APBB2: variants seen among roughly 807,000 people sequenced by gnomAD.
APBB2 encodes amyloid beta precursor protein binding family B member 2.
In APBB2, 38 loss-of-function variants were observed where a neutral mutation model predicts 82.5. The observed-to-expected ratio is 0.46, with a 90% CI of 0.36 to 0.60. APBB2 has a LOEUF of 0.60. Among genes scored for constraint, APBB2 ranks in the 20% least tolerant of loss-of-function variants. APBB2 has a pLI of 0.00. For synonymous variants in APBB2, 341 were observed against 368.2 expected, an observed-to-expected ratio of 0.93 and a Z score of 0.85; for missense variants, 772 against 972.3, an observed-to-expected ratio of 0.79 and a Z score of 2.74.
At chr4:41,088,508 T>C (rs1740618019) in intron 3 of APBB2, among the ~76,000 whole-genome samples, 1 of 152,200 alleles carries the variant, frequency 6.6e-6, no homozygotes, top group South Asian at 2.1e-4. Context: ...CCATTTTCAA[T>C]TATCCTGGGA....
chr4:41,157,337 T>C (rs1256629383), intron 1 of APBB2, among the ~76,000 whole-genome samples: 1 of 152,158 alleles, frequency 6.6e-6, no homozygotes, highest in African/African-American at 2.4e-5. Context: ...GAAAGCCCCC[T>C]TCAAATGACC....
chr4:41,146,861 CGCA>C (rs1366341319), intron 1 of APBB2, among the ~76,000 whole-genome samples: 1 of 152,202 alleles, frequency 6.6e-6, no homozygotes, highest in Non-Finnish European at 1.5e-5. Context: ...TGTGAGGCTG[CGCA>C]TAAAGCCGCG....
chr4:40,817,454 G>T (rs541126028), intron 17 of APBB2, among the ~76,000 whole-genome samples: 1 of 152,166 alleles, frequency 6.6e-6, no homozygotes, highest in East Asian at 1.9e-4. Flanking sequence ...GAACAACAGA[G>T]TTTGAACTGT....
chr4:41,116,613 A>G (rs372946850), intron 2 of APBB2, among the ~76,000 whole-genome samples: 1 of 152,180 alleles, frequency 6.6e-6, no homozygotes, highest in Non-Finnish European at 1.5e-5. Flanking sequence ...CATGGGCGAC[A>G]AGAGCGAAAC....
At chr4:40,978,297 T>C (rs1420360678) in intron 6 of APBB2, among the ~76,000 whole-genome samples, 3 of 152,216 alleles carry the variant, frequency 2.0e-5, no homozygotes, top group African/African-American at 4.8e-5. Context: ...CATGCTGAGA[T>C]ATAACTTAAA....
chr4:41,046,571 A>G (rs1560605946), intron 4 of APBB2, among the ~76,000 whole-genome samples: 1 of 151,666 alleles, frequency 6.6e-6, no homozygotes, highest in Non-Finnish European at 1.5e-5. Context: ...ACTGCCTCAT[A>G]AAGCAGATGG....
chr4:41,117,301 T>A (rs61317151), intron 2 of APBB2, among the ~76,000 whole-genome samples: 10,770 of 147,826 alleles, frequency 0.073, 496 homozygotes, highest in East Asian at 0.11. Flanking sequence ...TATTATTTTT[T>A]TTTTTTTTTG....
intron 1 of APBB2, among the ~76,000 whole-genome samples, chr4:41,195,890 G>T: frequency 1.3e-5 from 2 of 152,178 alleles, no homozygotes; most frequent in Admixed American, 1.3e-4. Context: ...GCCAGGCTCA[G>T]TGGCTCATGC....
intron 2 of APBB2, among the ~76,000 whole-genome samples, chr4:41,135,445 A>G (rs1757302685): frequency 6.6e-6 from 1 of 152,238 alleles, no homozygotes; most frequent in Non-Finnish European, 1.5e-5. Context: ...AATGAAGCCA[A>G]GGATCAATGA....
At position 40,812,710 on chromosome 4, in the gene APBB2, T is replaced by A. The variant is rs1744656128; in HGVS notation, c.*3382A>T. ...GGGGCTTCCAGGCAATGGCCTTGTG[T>A]CGAGTCATCTTACAAGTGTCCATCT... On this transcript the variant is annotated 3_prime_UTR_variant, in exon 18 of 18. Transcript: ENST00000508593. 6.6e-6 allele frequency: 1 copy of A among 152,222 alleles called. No homozygotes were observed. The highest frequency in any genetic ancestry group is 1.5e-5 in the Non-Finnish European group (1 of 68,044). 9.4% of individuals were successfully genotyped at this position (152,222 alleles called of 1,614,324 possible).
At chr4:40,839,920 C>A (rs562921021) in intron 12 of APBB2, among the ~76,000 whole-genome samples, 1 of 152,202 alleles carries the variant, frequency 6.6e-6, no homozygotes, top group Non-Finnish European at 1.5e-5. Flanking sequence ...CCACCTCGGA[C>A]TCCCAAAGTG....
intron 11 of APBB2, chr4:40,890,714 T>C (rs1281675278): frequency 4.2e-6 from 2 of 479,574 alleles, no homozygotes; most frequent in Admixed American, 4.0e-5. Flanking sequence ...CTCTGAAATG[T>C]GTCCCCATCC....
intron 1 of APBB2, among the ~76,000 whole-genome samples, chr4:41,169,183 C>CAAAAAAA (rs60032221): frequency 3.3e-5 from 2 of 60,726 alleles, no homozygotes; most frequent in Admixed American, 2.1e-4. Context: ...CACTCCGTCT[C>CAAAAAAA]AAAAAAAAAA....
intron 12 of APBB2, among the ~76,000 whole-genome samples, chr4:40,833,119 C>A (rs1752620318): frequency 6.6e-6 from 1 of 152,220 alleles, no homozygotes; most frequent in Non-Finnish European, 1.5e-5. Context: ...TGCCTTGCTT[C>A]TGGTTCTCCT....
intron 12 of APBB2, among the ~76,000 whole-genome samples, chr4:40,836,581 T>C (rs1432888148): frequency 4.0e-5 from 6 of 151,708 alleles, no homozygotes; most frequent in African/African-American, 1.2e-4. Flanking sequence ...GGAGGTCCAA[T>C]GAGAAGGTGG....
At chr4:40,879,807 T>G (rs1322055934) in intron 12 of APBB2, among the ~76,000 whole-genome samples, 1 of 152,040 alleles carries the variant, frequency 6.6e-6, no homozygotes, top group East Asian at 1.9e-4. Flanking sequence ...TTCTCCTGCC[T>G]AAGCCTCCCG....
At chr4:40,829,078 C>T (rs1001207188) in intron 13 of APBB2, among the ~76,000 whole-genome samples, 2 of 152,142 alleles carry the variant, frequency 1.3e-5, no homozygotes, top group Non-Finnish European at 2.9e-5. Flanking sequence ...AGAAATTAAC[C>T]AAGTCTGGGG....
chr4:41,058,073 T>C (rs1728461315), intron 4 of APBB2, among the ~76,000 whole-genome samples: 1 of 152,206 alleles, frequency 6.6e-6, no homozygotes, highest in Non-Finnish European at 1.5e-5. Flanking sequence ...TTCCAGAGTC[T>C]CATTCTGCAA....
At chr4:41,211,641 C>T (rs1779346745) in intron 1 of APBB2, among the ~76,000 whole-genome samples, 1 of 151,974 alleles carries the variant, frequency 6.6e-6, no homozygotes, top group South Asian at 2.1e-4. Flanking sequence ...AGCCACCACA[C>T]CCGGCTAATT....
Sources: gnomAD v4.1 joint callset for allele counts (sites outside exome capture counted in the v4.1 genomes callset) on GRCh38, gnomAD v4.1.1 for gene constraint, MANE v1.5 for transcripts, NCBI Gene and HGNC (gene_info 2026-07-23, HGNC 2026-07-21) for gene names.